The following AMPH variants were observed in gnomAD, a reference collection of about 807,000 sequenced individuals.
AMPH encodes the protein amphiphysin (Stiff-Mann syndrome with breast cancer 128kD autoantigen).
Under a neutral mutation model 99.1 loss-of-function variants are expected in AMPH, and 49 were observed. The observed-to-expected ratio is 0.49, with a 90% CI of 0.39 to 0.63. The LOEUF (loss-of-function observed/expected upper bound fraction) is 0.63. Among genes scored for constraint, AMPH ranks in the 20% least tolerant of loss-of-function variants. AMPH has a pLI of 0.00. For synonymous variants in AMPH, 314 were observed against 317.3 expected (o/e 0.99, Z 0.11); for missense variants, 759 against 863.4 (o/e 0.88, Z 1.52).
intron 1 of AMPH, among the ~76,000 whole-genome samples, chr7:38,577,953 T>A (rs1320130390): frequency 6.6e-6 from 1 of 152,190 alleles, no homozygotes; most frequent in Non-Finnish European, 1.5e-5. Context: ...TACCAAGGGC[T>A]TAACATTGGA....
intron 1 of AMPH, among the ~76,000 whole-genome samples, chr7:38,621,519 C>T (rs1794061868): frequency 1.3e-5 from 2 of 152,148 alleles, no homozygotes; most frequent in Admixed American, 6.5e-5. Flanking sequence ...ATCCTTTACT[C>T]AACAACTTTT....
chr7:38,432,911 A>T (rs1786091834), intron 12 of AMPH, among the ~76,000 whole-genome samples: 1 of 152,236 alleles, frequency 6.6e-6, no homozygotes, highest in African/African-American at 2.4e-5. Flanking sequence ...AAAGCTTATG[A>T]ATCCCGGGGA....
rs771100487 is a variant in AMPH, at chr7:38,475,406, T to A, written c.515A>T (p.Glu172Val). 6.2e-7 allele frequency: 1 copy of A among 1,611,996 alleles called. No homozygotes were observed. The highest frequency in any genetic ancestry group is 8.5e-7 in the Non-Finnish European group (1 of 1,178,668). ...DESRISKAEE[E>V]FQKAQKVFEE... Reference sequence around the variant, plus strand: ...AAACACTTTCTGTGCTTTCTGAAATTCTTCTTCTGCCTAGGAATGAAACAT... The same window carrying A: ...AAACACTTTCTGTGCTTTCTGAAATACTTCTTCTGCCTAGGAATGAAACAT... The change falls in exon 7 of 21, where the codon GAA becomes GTA. Residue 172 changes from glutamate to valine, a missense_variant. Glu to Val is a moderately radical substitution (Grantham distance 121). Transcript: ENST00000356264.
At chr7:38,427,803 T>G (rs1477497827) in intron 14 of AMPH, 1 of 424,854 alleles carries the variant, frequency 2.4e-6, no homozygotes, top group Admixed American at 2.6e-5. Context: ...TACAGAAGTC[T>G]TTGGCTAGTC....
At chr7:38,395,687 T>A (rs1784648068) in intron 17 of AMPH, among the ~76,000 whole-genome samples, 1 of 152,350 alleles carries the variant, frequency 6.6e-6, no homozygotes, top group Non-Finnish European at 1.5e-5. Context: ...GATTAACTAT[T>A]TTTTCTTTGT....
At position 38,596,168 on chromosome 7, in the gene AMPH, G is replaced by C. The variant is rs533502373; in HGVS notation, c.69+35115C>G. Among the ~76,000 whole-genome samples, 12 of 152,326 alleles carry C rather than the reference G, an allele frequency of 7.9e-5. No individual in the cohort carries two copies. The East Asian group carries it at 1.9e-3, about 24-fold the overall frequency. ...AAAACTCCAACTTTAGCTTGGATGT[G>C]AGCAAGTGTGAGAGAACAGCTACTG... On this transcript the variant is annotated intron_variant, in intron 1 of 20. Transcript: ENST00000356264.
rs192663804 is a variant in AMPH at position 38,602,498 on chromosome 7, C to T, written c.69+28785G>A. Among the ~76,000 whole-genome samples, 52 of 152,244 alleles carry T rather than the reference C, an allele frequency of 3.4e-4. No individual in the cohort carries two copies. In the East Asian group the frequency reaches 6.0e-3, roughly 18 times the overall value. On this transcript the variant is annotated intron_variant, in intron 1 of 20. Transcript: ENST00000356264. ...TCTGAAGGCTGCCCATATTCCTTGG[C>T]GCATGGCCCTGCATCACTCTGACCT...
At chr7:38,453,800 G>T (rs1787125794) in intron 11 of AMPH, among the ~76,000 whole-genome samples, 1 of 152,182 alleles carries the variant, frequency 6.6e-6, no homozygotes, top group Admixed American at 6.5e-5. Flanking sequence ...GAACTGAGAG[G>T]ATGCTCTTGG....
intron 11 of AMPH, among the ~76,000 whole-genome samples, chr7:38,441,871 T>C (rs199748229): frequency 8.3e-6 from 1 of 120,030 alleles, no homozygotes; most frequent in Non-Finnish European, 1.7e-5. Context: ...ATATATATCA[T>C]ATATATATCA....
chr7:38,579,341 CAG>C (rs1792362104), intron 1 of AMPH, among the ~76,000 whole-genome samples: 1 of 152,172 alleles, frequency 6.6e-6, no homozygotes, highest in African/African-American at 2.4e-5. Context: ...GAAACATGGC[CAG>C]ACTCTCTACC....
chr7:38,556,882 C>T (rs1367551386), intron 1 of AMPH, among the ~76,000 whole-genome samples: 1 of 152,166 alleles, frequency 6.6e-6, no homozygotes, highest in Non-Finnish European at 1.5e-5. Flanking sequence ...GGAAAACTAA[C>T]TCTTGGGTAC....
chr7:38,394,195 G>C lies in AMPH; in HGVS notation c.1418C>G (p.Ala473Gly), dbSNP rs115462490. Residue 473 changes from alanine to glycine, a missense_variant, in exon 18 of 21, where the codon GCT becomes GGT. This residue lies in a region of AMPH where 554 missense variants were observed against 575.6 expected (regional missense o/e 0.96). Coordinates refer to ENST00000356264, the MANE Select transcript of AMPH (RefSeq NM_001635.4). ...EEAVIIPGAD[A>G]DAAVGTLVSA... Reference sequence around the variant, plus strand: ...CACCAAGGTTCCAACAGCTGCATCAGCATCAGCTCCAGGTATGATCTGCAG... The same window carrying C: ...CACCAAGGTTCCAACAGCTGCATCACCATCAGCTCCAGGTATGATCTGCAG... The C allele has an allele frequency of 3.0e-4, 477 of 1,614,164 alleles. 2 individuals are homozygous for C. In the African/African-American group the frequency reaches 6.0e-3, roughly 20 times the overall value.
chr7:38,601,167 A>C (rs1203292925), intron 1 of AMPH, among the ~76,000 whole-genome samples: 1 of 152,152 alleles, frequency 6.6e-6, no homozygotes, highest in Non-Finnish European at 1.5e-5. Context: ...CTGTAATAGA[A>C]ATCAAGAGAG....
chr7:38,605,977 C>T (rs1001421172), intron 1 of AMPH, among the ~76,000 whole-genome samples: 2 of 152,198 alleles, frequency 1.3e-5, no homozygotes, highest in Non-Finnish European at 2.9e-5. Context: ...CTCACTTACT[C>T]CTCACAACTG....
intron 2 of AMPH, among the ~76,000 whole-genome samples, chr7:38,513,022 T>C (rs1309476291): frequency 6.6e-6 from 1 of 152,142 alleles, no homozygotes; most frequent in Non-Finnish European, 1.5e-5. Flanking sequence ...TGCAGAACAG[T>C]TTGAAAAGCA....
At chr7:38,548,964 C>G (rs909976728) in intron 1 of AMPH, among the ~76,000 whole-genome samples, 4 of 152,224 alleles carry the variant, frequency 2.6e-5, no homozygotes, top group Admixed American at 6.5e-5. Context: ...GTTGAACATG[C>G]CTGGTTCTCA....
chr7:38,610,843 G>C (rs1793659029), intron 1 of AMPH, among the ~76,000 whole-genome samples: 1 of 152,130 alleles, frequency 6.6e-6, no homozygotes, highest in Non-Finnish European at 1.5e-5. Context: ...AGAGACAAGA[G>C]TTAAGGAGTA....
At position 38,476,713 on chromosome 7, in the gene AMPH, T is replaced by C. The variant is rs563649089; in HGVS notation, c.504+149A>G. On this transcript the variant is annotated intron_variant, in intron 6 of 20. Transcript: ENST00000356264. ...AATATAATGAAAAGCCTTATTTTAATTAAAAATAATAAAAAGCACTATGTT... is the reference window on the plus strand; with the variant it reads ...AATATAATGAAAAGCCTTATTTTAACTAAAAATAATAAAAAGCACTATGTT... 1.6e-4 allele frequency: 95 copies of C among 581,320 alleles called. No homozygotes were observed. The Middle Eastern group carries it at 4.1e-3, about 25-fold the overall frequency. 36.0% of individuals were successfully genotyped at this position (581,320 alleles called of 1,614,324 possible). A position where few individuals can be genotyped will look rare whatever the true frequency, so the allele number is the denominator to read the frequency against.
intron 2 of AMPH, among the ~76,000 whole-genome samples, chr7:38,516,259 C>CCCTACTGTGATG (rs1203768709): frequency 6.6e-6 from 1 of 152,168 alleles, no homozygotes; most frequent in Non-Finnish European, 1.5e-5. Context: ...CCATCACAGG[C>CCCTACTGTGATG]CCTGAGGCCT....
Sources: allele counts gnomAD v4.1 joint callset (sites outside exome capture counted in the v4.1 genomes callset), GRCh38; gene constraint gnomAD v4.1.1; regional missense constraint gnomAD v4.1.1; transcripts MANE v1.5; gene names NCBI Gene and HGNC (gene_info 2026-07-23, HGNC 2026-07-21).